The following CDC20B variants were observed in gnomAD, a reference collection of about 807,000 sequenced individuals.
CDC20B encodes cell division cycle 20B.
CDC20B carries 58 observed loss-of-function variants against 64.1 expected under a neutral mutation model. The ratio of observed to expected loss-of-function variants is 0.90; its 90% CI spans 0.73 to 1.13. The LOEUF is 1.13. Ranked by LOEUF, CDC20B falls within the 50% of genes most tolerant of loss-of-function variation. The probability of loss-of-function intolerance (pLI) is 0.00; values close to 1 mark genes in which losing one functional copy is unlikely to be tolerated. For missense variants in CDC20B, 597 were observed against 633.0 expected, an observed-to-expected ratio of 0.94 and a Z score of 0.61; for synonymous variants, 243 against 230.6, an observed-to-expected ratio of 1.05 and a Z score of -0.49.
At chr5:55,163,177 T>C (rs1307211281) in intron 2 of CDC20B, among the ~76,000 whole-genome samples, 1 of 152,102 alleles carries the variant, frequency 6.6e-6, no homozygotes, top group Admixed American at 6.6e-5. Flanking sequence ...TCTTGAGTGG[T>C]ATAAATAGAA....
At chr5:55,119,694 G>A in intron 11 of CDC20B, 107 bp downstream of exon 11, 3 of 701,512 alleles carry the variant, frequency 4.3e-6, no homozygotes, top group Non-Finnish European at 7.5e-6. Flanking sequence ...GATGAAATGT[G>A]TACTTAGAAA....
At chr5:55,133,610 T>C (rs1381337393) in intron 5 of CDC20B, 82 bp from the exon 6 acceptor site, 4 of 617,956 alleles carry the variant, frequency 6.5e-6, no homozygotes, top group African/African-American at 3.7e-5. Flanking sequence ...GAAATAACAT[T>C]AAGTGAAAAA....
At position 55,172,409 on chromosome 5, in the gene CDC20B, T is replaced by C. The variant is rs1475727117; in HGVS notation, c.126+179A>G. ...AAAGTACGATTCAGATGCAAACGAT[T>C]GCATTATTTGTCTGGGATCTTCAGT... On this transcript the variant is annotated intron_variant, in intron 2 of 11. Coordinates refer to ENST00000381375, the MANE Select transcript of CDC20B (RefSeq NM_001170402.1). 3 of 572,092 alleles carry C rather than the reference T, an allele frequency of 5.2e-6. No homozygotes were observed. In the African/African-American group the frequency reaches 5.7e-5, roughly 11 times the overall value. 35.4% of individuals were successfully genotyped at this position (572,092 alleles called of 1,614,324 possible). A position where few individuals can be genotyped will look rare whatever the true frequency, so the allele number is the denominator to read the frequency against.
chr5:55,160,167 G>A (rs771607459), intron 2 of CDC20B: 1 of 1,583,270 alleles, frequency 6.3e-7, no homozygotes, highest in Non-Finnish European at 8.7e-7. Context: ...CCAGGCTGCT[G>A]AGACTTCCCT....
At chr5:55,125,127 C>A in intron 8 of CDC20B, 99 bp from the exon 9 acceptor site, 1 of 877,994 alleles carries the variant, frequency 1.1e-6, no homozygotes, top group Non-Finnish European at 1.8e-6. Flanking sequence ...CTGAAAGACC[C>A]CTAGGACAGA....
intron 2 of CDC20B, chr5:55,170,531 T>G (rs776153488): frequency 1.9e-6 from 1 of 534,814 alleles, no homozygotes; most frequent in South Asian, 1.4e-5. Flanking sequence ...CTGATGTTCA[T>G]TGTATATGCA....
intron 11 of CDC20B, among the ~76,000 whole-genome samples, chr5:55,118,113 T>C (rs1742666881): frequency 1.3e-5 from 2 of 151,978 alleles, no homozygotes; most frequent in Admixed American, 1.3e-4. Context: ...AGTGAGACTC[T>C]GTCTCAAAAA....
intron 11 of CDC20B, among the ~76,000 whole-genome samples, chr5:55,116,469 G>A (rs424203): frequency 0.76 from 114,921 of 151,024 alleles, 43,590 homozygotes; most frequent in East Asian, 0.81. Flanking sequence ...TTTATTTTGA[G>A]ACAGGGTCTC....
At chr5:55,170,417 A>G in intron 2 of CDC20B, 1 of 430,884 alleles carries the variant, frequency 2.3e-6, no homozygotes, top group Non-Finnish European at 4.9e-6. Flanking sequence ...TGTAAGTATT[A>G]CTGTATTATA....
intron 9 of CDC20B, among the ~76,000 whole-genome samples, chr5:55,121,907 A>C (rs1742768482): frequency 6.6e-6 from 1 of 152,164 alleles, no homozygotes; most frequent in Non-Finnish European, 1.5e-5. Flanking sequence ...CTTTTCTTAC[A>C]AGTTTGAGTC....
chr5:55,129,653 C>T (rs1742979652), intron 6 of CDC20B, among the ~76,000 whole-genome samples: 1 of 152,180 alleles, frequency 6.6e-6, no homozygotes, highest in Admixed American at 6.5e-5. Context: ...GCAGAAGAGA[C>T]TCAAATCACC....
At chr5:55,119,203 G>T (rs1426400546) in intron 11 of CDC20B, among the ~76,000 whole-genome samples, 1 of 152,110 alleles carries the variant, frequency 6.6e-6, no homozygotes, top group African/African-American at 2.4e-5. Flanking sequence ...GTTTCCCTGG[G>T]CTGGGTAGAG....
chr5:55,133,201 T>C (rs961798858), intron 6 of CDC20B, among the ~76,000 whole-genome samples: 3 of 152,180 alleles, frequency 2.0e-5, no homozygotes, highest in African/African-American at 7.2e-5. Context: ...AAAATGTATA[T>C]TTCCCACACC....
At chr5:55,164,885 C>T (rs550120827) in intron 2 of CDC20B, 1 of 151,858 alleles carries the variant, frequency 6.6e-6, no homozygotes, top group South Asian at 2.1e-4. Flanking sequence ...TATAAATGAC[C>T]GTATTATAAC....
chr5:55,155,183 A>T (rs1364976789), intron 2 of CDC20B, among the ~76,000 whole-genome samples: 1 of 152,236 alleles, frequency 6.6e-6, no homozygotes, highest in Admixed American at 6.5e-5. Context: ...AGTTCACATC[A>T]TAGTGACATT....
At chr5:55,130,582 A>G (rs377427828) in intron 6 of CDC20B, among the ~76,000 whole-genome samples, 1 of 152,216 alleles carries the variant, frequency 6.6e-6, no homozygotes, top group Non-Finnish European at 1.5e-5. Flanking sequence ...ATCAACTGGA[A>G]GATGGAAAAT....
chr5:55,129,457 G>A (rs115936217), intron 6 of CDC20B, among the ~76,000 whole-genome samples: 376 of 152,242 alleles, frequency 2.5e-3, no homozygotes, highest in Non-Finnish European at 4.4e-3. Context: ...GAGTGCCAGC[G>A]AAGACTCTGA....
intron 5 of CDC20B, chr5:55,137,586 C>A (rs758819164): frequency 1.8e-5 from 8 of 456,544 alleles, no homozygotes; most frequent in South Asian, 1.2e-4. Flanking sequence ...TAGTCTTTGC[C>A]ACCAACATCC....
rs535828129 is a variant in CDC20B at position 55,146,039 on chromosome 5, T to G, written c.355+589A>C. Among the ~76,000 whole-genome samples the G allele has an allele frequency of 4.6e-5, 7 of 152,278 alleles. No individual in the cohort carries two copies. In the South Asian group the frequency reaches 1.5e-3, roughly 32 times the overall value. On this transcript the variant is annotated intron_variant, in intron 3 of 11. Coordinates refer to ENST00000381375, the MANE Select transcript of CDC20B (RefSeq NM_001170402.1). ...TATATACATATACATTCATACAATC[T>G]TTACAAAAGTAATCATCTAACCAAT... is the stretch of plus-strand genomic sequence containing the variant.
Sources: gnomAD v4.1 joint callset for allele counts (sites outside exome capture counted in the v4.1 genomes callset) on GRCh38, gnomAD v4.1.1 for gene constraint, MANE v1.5 for transcripts, NCBI Gene and HGNC (gene_info 2026-07-23, HGNC 2026-07-21) for gene names.